The following SPAG16 variants were observed in gnomAD, a reference collection of about 807,000 sequenced individuals.
SPAG16 encodes the protein sperm-associated antigen 16 protein.
SPAG16 carries 86 observed loss-of-function variants against 80.4 expected under a neutral mutation model. The observed-to-expected ratio is 1.07, with a 90% CI of 0.90 to 1.28. SPAG16 has a LOEUF of 1.28. Ranked by LOEUF, SPAG16 falls within the 50% of genes most tolerant of loss-of-function variation. The pLI is 0.00. For synonymous variants in SPAG16, 294 were observed against 265.9 expected, an observed-to-expected ratio of 1.11 and a Z score of -1.03; for missense variants, 870 against 765.3, an observed-to-expected ratio of 1.14 and a Z score of -1.61.
intron 10 of SPAG16, among the ~76,000 whole-genome samples, chr2:213,620,780 A>C (rs915333035): frequency 2.0e-5 from 3 of 152,174 alleles, no homozygotes; most frequent in Non-Finnish European, 1.5e-5. Flanking sequence ...ATAAAATGAA[A>C]AGTAATGTTT....
At chr2:213,854,149 C>G (rs1354742129) in intron 10 of SPAG16, among the ~76,000 whole-genome samples, 1 of 152,110 alleles carries the variant, frequency 6.6e-6, no homozygotes, top group Non-Finnish European at 1.5e-5. Context: ...GACTTAACAT[C>G]ATATAAAACA....
intron 12 of SPAG16, among the ~76,000 whole-genome samples, chr2:213,976,100 A>G (rs2045356191): frequency 7.4e-6 from 1 of 135,312 alleles, no homozygotes; most frequent in Non-Finnish European, 1.6e-5. Context: ...GATCTAAGAC[A>G]GTGAGGGAGA....
chr2:213,422,525 C>G (rs186540465), intron 9 of SPAG16: 31 of 482,100 alleles, frequency 6.4e-5, no homozygotes, highest in South Asian at 4.0e-4. Context: ...GCCTACCAGG[C>G]CGAGTGGGCA....
intron 10 of SPAG16, among the ~76,000 whole-genome samples, chr2:213,556,030 C>G (rs2125964155): frequency 6.6e-6 from 1 of 152,010 alleles, no homozygotes; most frequent in Non-Finnish European, 1.5e-5. Context: ...TAACTGTAAA[C>G]TGTTTTATGT....
chr2:214,328,390 T>C (rs1246109274), intron 15 of SPAG16, among the ~76,000 whole-genome samples: 3 of 152,360 alleles, frequency 2.0e-5, no homozygotes, highest in African/African-American at 7.2e-5. Flanking sequence ...CTCGAACTTC[T>C]GACCTCAAGT....
intron 10 of SPAG16, among the ~76,000 whole-genome samples, chr2:213,533,861 TAGAATC>T (rs2076154430): frequency 6.6e-6 from 1 of 152,144 alleles, no homozygotes; most frequent in Non-Finnish European, 1.5e-5. Context: ...AACTTAATGC[TAGAATC>T]ATGCAGTTTA....
intron 15 of SPAG16, among the ~76,000 whole-genome samples, chr2:214,153,283 C>T (rs6747910): frequency 0.051 from 7,765 of 152,166 alleles, 692 homozygotes; most frequent in African/African-American, 0.18. Context: ...CTTCTGGTCA[C>T]TTCTCACTGT....
chr2:213,930,579 G>A (rs185469633), intron 12 of SPAG16, among the ~76,000 whole-genome samples: 163 of 152,142 alleles, frequency 1.1e-3, no homozygotes, highest in Middle Eastern at 0.01. Flanking sequence ...TTGTTATGTC[G>A]TGATATTCTT....
rs180671102 is a variant in SPAG16, at chr2:214,075,132, C to T, written c.1528-33064C>T. Among the ~76,000 whole-genome samples, 206 of 151,790 alleles carry T rather than the reference C, an allele frequency of 1.4e-3. 1 individual carries two copies. The South Asian group carries it at 0.019, about 14-fold the overall frequency. On this transcript the variant is annotated intron_variant, in intron 13 of 15. Coordinates refer to ENST00000331683, the MANE Select transcript of SPAG16 (RefSeq NM_024532.5). ...CATAGGAGTGCTTCATATTTCTGTA[C>T]CCTAGCTTTTTTTTTTCAGGTATTT...
intron 11 of SPAG16, among the ~76,000 whole-genome samples, chr2:213,867,801 G>C (rs933892663): frequency 2.0e-5 from 3 of 151,636 alleles, no homozygotes; most frequent in Non-Finnish European, 4.4e-5. Context: ...GCGGGCACCT[G>C]TAGTCCCAGC....
chr2:214,024,042 T>G (rs1211182433), intron 13 of SPAG16, among the ~76,000 whole-genome samples: 1 of 151,684 alleles, frequency 6.6e-6, no homozygotes, highest in Non-Finnish European at 1.5e-5. Flanking sequence ...AAAGATGGAA[T>G]GTAGAGATAT....
chr2:213,521,556 G>A (rs980486227), intron 10 of SPAG16, among the ~76,000 whole-genome samples: 2 of 152,150 alleles, frequency 1.3e-5, no homozygotes, highest in Admixed American at 1.3e-4. Context: ...TCCAATCCAT[G>A]TTTGTATGTC....
intron 6 of SPAG16, among the ~76,000 whole-genome samples, chr2:213,348,512 T>G (rs912870317): frequency 6.6e-6 from 1 of 152,144 alleles, no homozygotes; most frequent in Non-Finnish European, 1.5e-5. Context: ...GCAGTGGCTG[T>G]TACCGGTTGT....
rs143406632 is a variant in SPAG16, at chr2:213,841,600, A to G, written c.1071-20885A>G. On this transcript the variant is annotated intron_variant, in intron 10 of 15. Coordinates refer to ENST00000331683, the MANE Select transcript of SPAG16 (RefSeq NM_024532.5). Reference sequence around the variant, plus strand: ...CTTGTTGATGTATTTTAAAGGTTTCATTATTTTTCTGGTTTAAGATAGATT... The same window carrying G: ...CTTGTTGATGTATTTTAAAGGTTTCGTTATTTTTCTGGTTTAAGATAGATT... Among the ~76,000 whole-genome samples, 390 of 152,232 alleles carry G rather than the reference A, an allele frequency of 2.6e-3. 5 individuals are homozygous for G. Among genetic ancestry groups the G allele is most frequent in the Admixed American group, 5.6e-3 (86 of 15,286 alleles).
intron 10 of SPAG16, among the ~76,000 whole-genome samples, chr2:213,607,028 T>A (rs1339438188): frequency 1.3e-5 from 2 of 152,150 alleles, no homozygotes; most frequent in Non-Finnish European, 2.9e-5. Context: ...TTATATTGCA[T>A]GTGTTGAGCT....
intron 10 of SPAG16, among the ~76,000 whole-genome samples, chr2:213,542,717 A>C (rs2076489887): frequency 6.6e-6 from 1 of 152,138 alleles, no homozygotes; most frequent in South Asian, 2.1e-4. Flanking sequence ...GAGTTGATGC[A>C]GCTATGTATG....
intron 10 of SPAG16, among the ~76,000 whole-genome samples, chr2:213,726,097 G>C (rs570084646): frequency 1.3e-5 from 2 of 152,324 alleles, no homozygotes; most frequent in South Asian, 4.1e-4. Flanking sequence ...AATAGGCAAG[G>C]AGATACTGAG....
intron 14 of SPAG16, among the ~76,000 whole-genome samples, chr2:214,139,776 C>T (rs2055255191): frequency 6.6e-6 from 1 of 152,084 alleles, no homozygotes; most frequent in Non-Finnish European, 1.5e-5. Context: ...TTTTTTGAGG[C>T]CTGTTTGAAG....
At chr2:213,315,694 CT>C (rs35508590) in intron 4 of SPAG16, among the ~76,000 whole-genome samples, 113,433 of 150,248 alleles carry the variant, frequency 0.75, 43,247 homozygotes, top group East Asian at 1. Context: ...CTATTGAAAA[CT>C]TTTTTTTTTT....
Sources: gnomAD v4.1 joint callset for allele counts (sites outside exome capture counted in the v4.1 genomes callset) on GRCh38, gnomAD v4.1.1 for gene constraint, MANE v1.5 for transcripts, NCBI Gene and HGNC (gene_info 2026-07-23, HGNC 2026-07-21) for gene names.